Variants in CCDC66 observed in about 807,000 individuals in gnomAD.
CCDC66 encodes the protein coiled-coil domain-containing protein 66.
A neutral mutation model predicts 128.3 loss-of-function variants in CCDC66; 133 were observed. That is an observed-to-expected ratio of 1.04 (90% CI 0.90 to 1.20). The LOEUF (loss-of-function observed/expected upper bound fraction) is 1.20. Ranked by LOEUF, CCDC66 falls within the 50% of genes most tolerant of loss-of-function variation. CCDC66 has a pLI of 0.00. For synonymous variants in CCDC66, 387 were observed against 357.0 expected (o/e 1.08, Z -0.95); for missense variants, 1,126 against 1,075.5 (o/e 1.05, Z -0.66).
chr3:56,621,599 G>GT lies in CCDC66; in HGVS notation c.2832dup (p.Gly945TrpfsTer15). The stretch of plus-strand genomic sequence containing the variant: ...CCTTTAGCTGAAAATCAAGAAGAGA[G>GT]TTTTGGTTCTTCATTTTAAATGTAG... On this transcript the variant is annotated frameshift_variant, in exon 18 of 18. Transcript: ENST00000394672. LOFTEE classifies it high-confidence loss of function. 6.3e-7 allele frequency: 1 copy of GT among 1,596,270 alleles called. No homozygotes were observed. The highest frequency in any genetic ancestry group is 8.5e-7 in the Non-Finnish European group (1 of 1,172,266).
At chr3:56,587,231 AATTT>A (rs2069941114) in intron 7 of CCDC66, among the ~76,000 whole-genome samples, 1 of 151,956 alleles carries the variant, frequency 6.6e-6, no homozygotes, top group South Asian at 2.1e-4. Flanking sequence ...GAGAATTAAT[AATTT>A]ATTAGGCTAT....
At chr3:56,578,516 G>C (rs914331799) in intron 7 of CCDC66, among the ~76,000 whole-genome samples, 2 of 151,824 alleles carry the variant, frequency 1.3e-5, no homozygotes. Context: ...TCCAGTTTTC[G>C]TCCATTCAGT....
chr3:56,562,225 T>G (rs1354926822), intron 3 of CCDC66, among the ~76,000 whole-genome samples: 3 of 151,908 alleles, frequency 2.0e-5, no homozygotes, highest in Admixed American at 6.6e-5. Context: ...TGTTTAAAAT[T>G]TTTTGTACAG....
intron 10 of CCDC66, among the ~76,000 whole-genome samples, chr3:56,603,937 C>A (rs2073659711): frequency 6.6e-6 from 1 of 152,022 alleles, no homozygotes; most frequent in Non-Finnish European, 1.5e-5. Context: ...CTTTGTAGGT[C>A]TCTAAGGACT....
chr3:56,584,719 A>G (rs1031681625), intron 7 of CCDC66, among the ~76,000 whole-genome samples: 3 of 151,886 alleles, frequency 2.0e-5, no homozygotes, highest in African/African-American at 7.2e-5. Context: ...CAATCTCGGC[A>G]CTTTGGGAGG....
intron 7 of CCDC66, chr3:56,572,204 T>C (rs1459832305): frequency 9.7e-6 from 4 of 412,644 alleles, no homozygotes; most frequent in East Asian, 1.4e-4. Context: ...TGTAAGTGTT[T>C]AGTTATCAAA....
Position 56,589,579 on chromosome 3 carries a change from T to C in CCDC66, c.937-3391T>C, listed in dbSNP as rs2070478816. Reference sequence around the variant, plus strand: ...ATGATAGTCATCATATTTATAAAAATAATAGGTAAATTTAATAAAAGTGGC... The same window carrying C: ...ATGATAGTCATCATATTTATAAAAACAATAGGTAAATTTAATAAAAGTGGC... On this transcript the variant is annotated intron_variant, in intron 7 of 17. Transcript: ENST00000394672. 2.6e-5 allele frequency among the ~76,000 whole-genome samples: 4 copies of C among 152,144 alleles called. No homozygotes were observed. In the South Asian group the frequency reaches 8.3e-4, roughly 31 times the overall value.
At chr3:56,578,263 C>G (rs1392075000) in intron 7 of CCDC66, among the ~76,000 whole-genome samples, 1 of 151,696 alleles carries the variant, frequency 6.6e-6, no homozygotes, top group Non-Finnish European at 1.5e-5. Flanking sequence ...GATTTTGTAT[C>G]CTGAGACTTT....
At chr3:56,603,400 C>T (rs1239275215) in intron 10 of CCDC66, among the ~76,000 whole-genome samples, 2 of 152,116 alleles carry the variant, frequency 1.3e-5, no homozygotes, top group Non-Finnish European at 2.9e-5. Context: ...TTAGATCTTT[C>T]CTGCTTTCTC....
At chr3:56,584,833 C>T (rs2106781155) in intron 7 of CCDC66, among the ~76,000 whole-genome samples, 1 of 152,088 alleles carries the variant, frequency 6.6e-6, no homozygotes, top group South Asian at 2.1e-4. Flanking sequence ...ACTCCGTCTG[C>T]AATCCCAGCA....
intron 7 of CCDC66, among the ~76,000 whole-genome samples, chr3:56,581,689 C>T (rs2068399944): frequency 6.6e-6 from 1 of 151,842 alleles, no homozygotes; most frequent in Non-Finnish European, 1.5e-5. Flanking sequence ...ACTCCAGATC[C>T]TGTTTGCCTG....
Position 56,566,208 on chromosome 3 carries a change from T to G in CCDC66, c.545-386T>G, listed in dbSNP as rs369260282. Among the ~76,000 whole-genome samples the G allele has an allele frequency of 7.2e-5, 11 of 152,188 alleles. No individual in the cohort carries two copies. The South Asian group carries it at 1.9e-3, about 26-fold the overall frequency. On this transcript the variant is annotated intron_variant, in intron 4 of 17. Transcript: ENST00000394672. ...GGCACAATCTCAGCTCACTGAAACC[T>G]CCACCTCTTGGGCTCAACCCATCCT...
intron 7 of CCDC66, among the ~76,000 whole-genome samples, chr3:56,578,202 A>G (rs2107971666): frequency 6.6e-6 from 1 of 151,584 alleles, no homozygotes; most frequent in African/African-American, 2.4e-5. Context: ...TTTGCTCATG[A>G]TTTGGCTCTC....
Position 56,593,545 on chromosome 3 carries a change from G to T in CCDC66, c.1123G>T (p.Gly375Cys). Residue 375 changes from glycine (G) to cysteine (C), a missense_variant, in exon 9 of 18, where the codon GGT (glycine) becomes TGT (cysteine). Coordinates refer to ENST00000394672, the MANE Select transcript of CCDC66 (RefSeq NM_001141947.3). ...MHFDSLKSYPGSQSQLFSQST... is the reference protein window; with the variant it reads ...MHFDSLKSYPCSQSQLFSQST... ...CTTTGATTCATTAAAGAGTTATCCT[G>T]GTTCTCAATCTCAGCTGTTCTCTCA... 6.2e-7 allele frequency: 1 copy of T among 1,614,058 alleles called. No homozygotes were observed. The highest frequency in any genetic ancestry group is 8.5e-7 in the Non-Finnish European group (1 of 1,179,960).
intron 7 of CCDC66, among the ~76,000 whole-genome samples, chr3:56,574,005 A>G (rs13089169): frequency 0.076 from 11,615 of 151,830 alleles, 610 homozygotes; most frequent in Middle Eastern, 0.13. Context: ...AACACATGCT[A>G]TATCCAGGAC....
intron 10 of CCDC66, among the ~76,000 whole-genome samples, chr3:56,603,052 G>C (rs376902669): frequency 1.3e-5 from 2 of 151,750 alleles, no homozygotes; most frequent in East Asian, 3.9e-4. Context: ...AGCCAGGATG[G>C]TCTCAATCTC....
At position 56,618,373 on chromosome 3, in the gene CCDC66, C is replaced by T. The variant is rs569064313; in HGVS notation, c.2378+161C>T. On this transcript the variant is annotated intron_variant, in intron 15 of 17. Coordinates refer to ENST00000394672, the MANE Select transcript of CCDC66 (RefSeq NM_001141947.3). ...TAGAGGTTTAAGGGATAGTGTGGCA[C>T]TTTAGCAGGAGCTTGAAGGCCCAAG... 6.7e-6 allele frequency: 4 copies of T among 592,794 alleles called. No homozygotes were observed. The African/African-American group carries it at 7.5e-5, about 11-fold the overall frequency. The allele number at this position is 592,794 out of a possible 1,614,324, so 36.7% of individuals were successfully genotyped here.
chr3:56,576,717 C>T (rs999828705), intron 7 of CCDC66, among the ~76,000 whole-genome samples: 2 of 151,560 alleles, frequency 1.3e-5, no homozygotes, highest in Non-Finnish European at 2.9e-5. Context: ...TCATCCATGT[C>T]CCTACAAAGG....
At chr3:56,568,312 A>G (rs745932557) in intron 6 of CCDC66, among the ~76,000 whole-genome samples, 4 of 152,230 alleles carry the variant, frequency 2.6e-5, no homozygotes, top group Non-Finnish European at 5.9e-5. Flanking sequence ...CTCAGTATCC[A>G]TGAGAGACTG....
Sources: gnomAD v4.1 joint callset for allele counts (sites outside exome capture counted in the v4.1 genomes callset) on GRCh38, gnomAD v4.1.1 for gene constraint, MANE v1.5 for transcripts, NCBI Gene and HGNC (gene_info 2026-07-23, HGNC 2026-07-21) for gene names.